The following MDH1B variants were observed in gnomAD, a reference collection of about 807,000 sequenced individuals.
The protein encoded by MDH1B is putative malate dehydrogenase 1B.
Under a neutral mutation model 61.4 loss-of-function variants are expected in MDH1B, and 60 were observed. The ratio of observed to expected loss-of-function variants is 0.98; its 90% CI spans 0.79 to 1.21. The LOEUF (loss-of-function observed/expected upper bound fraction) is 1.21, where lower values mean the gene tolerates loss of function less well. MDH1B is among the 50% of genes most tolerant of loss of function. MDH1B has a pLI of 0.00. For synonymous variants in MDH1B, 236 were observed against 218.7 expected (o/e 1.08, Z -0.70); for missense variants, 587 against 632.1 (o/e 0.93, Z 0.76).
Position 206,749,136 on chromosome 2 carries a change from G to A in MDH1B, c.1100C>T (p.Thr367Ile), listed in dbSNP as rs1476271000. The change falls in exon 7 of 12, where the codon ACC becomes ATC. Residue 367 changes from threonine to isoleucine, a missense_variant. Transcript: ENST00000374412. ...EFVAILKNLTTTGRQFGGILA... is the reference protein window; with the variant it reads ...EFVAILKNLTITGRQFGGILA... The stretch of plus-strand genomic sequence containing the variant: ...AATGCCTCCAAATTGTCTTCCTGTG[G>A]TGGTCAAGTTTTTAAGAATTGCCAC... 1.9e-6 allele frequency: 3 copies of A among 1,613,974 alleles called. No individual in the cohort carries two copies. The highest frequency in any genetic ancestry group is 1.7e-5 in the Admixed American group (1 of 59,992).
At chr2:206,758,920 TG>T (rs1029045455) in intron 2 of MDH1B, among the ~76,000 whole-genome samples, 12 of 151,268 alleles carry the variant, frequency 7.9e-5, no homozygotes, top group Non-Finnish European at 1.2e-4. Flanking sequence ...CTGGTGTCAC[TG>T]AGGAGCCCAG....
chr2:206,743,531 T>C (rs1687931869), intron 9 of MDH1B, among the ~76,000 whole-genome samples: 1 of 152,204 alleles, frequency 6.6e-6, no homozygotes, highest in Non-Finnish European at 1.5e-5. Flanking sequence ...TTCATTTCTA[T>C]TTATGAGGCA....
Position 206,754,363 on chromosome 2 carries a change from C to G in MDH1B, c.910+646G>C, listed in dbSNP as rs776100023. 1.8e-4 allele frequency among the ~76,000 whole-genome samples: 28 copies of G among 152,244 alleles called. No individual in the cohort carries two copies. The South Asian group carries it at 2.3e-3, about 12-fold the overall frequency. The stretch of plus-strand genomic sequence containing the variant: ...ATCTCCCTTTTCAAATACAACAATC[C>G]ATTTTCTGATCTAGTCTCATCTTCT... On this transcript the variant is annotated intron_variant, in intron 5 of 11. Transcript: ENST00000374412.
At chr2:206,751,423 T>C (rs1688434116) in intron 5 of MDH1B, among the ~76,000 whole-genome samples, 1 of 151,992 alleles carries the variant, frequency 6.6e-6, no homozygotes, top group Non-Finnish European at 1.5e-5. Flanking sequence ...AGAGAGTGAG[T>C]GAGAGGTCAA....
intron 9 of MDH1B, among the ~76,000 whole-genome samples, chr2:206,744,741 A>C (rs910678950): frequency 3.1e-4 from 47 of 151,964 alleles, no homozygotes; most frequent in African/African-American, 1.1e-3. Context: ...CCCGGCCAAC[A>C]TAGTGAAACC....
intron 9 of MDH1B, 152 bp from the exon 10 acceptor site, chr2:206,741,256 T>C: frequency 1.0e-6 from 1 of 957,116 alleles, no homozygotes; most frequent in Non-Finnish European, 1.6e-6. Flanking sequence ...AATGTGTACA[T>C]TTGTGTACAT....
chr2:206,749,028 A>C lies in MDH1B; in HGVS notation c.1208T>G (p.Leu403Trp). Residue 403 changes from leucine to tryptophan, a missense_variant, in exon 7 of 12, where the codon TTG (leucine) becomes TGG (tryptophan). Transcript: ENST00000374412. ...GAAAAACCCAGATTTACCTTCACTCAATATTCCTAAAGATACAATCTCCCC... is the reference window on the plus strand; with the variant it reads ...GAAAAACCCAGATTTACCTTCACTCCATATTCCTAAAGATACAATCTCCCC... ...PPGEIVSLGI[L>W]SEGQFGIPKG... is the part of the protein sequence containing the mutation. 6.2e-7 allele frequency: 1 copy of C among 1,613,220 alleles called. No homozygotes were observed. The highest frequency in any genetic ancestry group is 8.5e-7 in the Non-Finnish European group (1 of 1,179,654).
At chr2:206,748,729 A>ACATGCT (rs1313639048) in intron 7 of MDH1B, among the ~76,000 whole-genome samples, 1 of 152,232 alleles carries the variant, frequency 6.6e-6, no homozygotes, top group East Asian at 1.9e-4. Context: ...ATTGCTAGGA[A>ACATGCT]AACCTAACAA....
intron 5 of MDH1B, among the ~76,000 whole-genome samples, chr2:206,753,294 T>G (rs1309482652): frequency 6.6e-6 from 1 of 152,192 alleles, no homozygotes; most frequent in Non-Finnish European, 1.5e-5. Context: ...CTTCAATCAC[T>G]TTGTATTTTT....
chr2:206,761,464 G>T (rs1474533775), intron 1 of MDH1B, among the ~76,000 whole-genome samples: 3 of 152,104 alleles, frequency 2.0e-5, no homozygotes, highest in Non-Finnish European at 4.4e-5. Context: ...AAGAATCTGG[G>T]ATAACTTCTA....
intron 11 of MDH1B, 23 bp downstream of exon 11, chr2:206,739,569 GT>G: frequency 1.9e-6 from 3 of 1,599,912 alleles, no homozygotes; most frequent in Non-Finnish European, 2.6e-6. Flanking sequence ...GAAAATACTA[GT>G]TAATGTTTTG....
intron 9 of MDH1B, among the ~76,000 whole-genome samples, chr2:206,743,921 G>A (rs1687949220): frequency 6.6e-6 from 1 of 152,068 alleles, no homozygotes; most frequent in African/African-American, 2.4e-5. Flanking sequence ...ACTGCCTCTG[G>A]TCTTGGCTGT....
chr2:206,761,410 CTTTTGGATTTGATGTG>C (rs1281922163), intron 1 of MDH1B, among the ~76,000 whole-genome samples: 3 of 152,054 alleles, frequency 2.0e-5, no homozygotes, highest in Non-Finnish European at 4.4e-5. Flanking sequence ...GGTAAAGTCA[CTTTTGGATTTGATGTG>C]TGTCAGGAAG....
intron 1 of MDH1B, among the ~76,000 whole-genome samples, chr2:206,762,337 T>G (rs531157078): frequency 1.3e-5 from 2 of 152,340 alleles, no homozygotes; most frequent in African/African-American, 4.8e-5. Context: ...CCATCACATC[T>G]ACATGCCTGT....
intron 9 of MDH1B, chr2:206,741,390 GGT>G: frequency 2.4e-6 from 1 of 420,802 alleles, no homozygotes; most frequent in Non-Finnish European, 4.5e-6. Context: ...TGTCTGTGAG[GGT>G]GTTGCCAAAG....
Position 206,763,070 on chromosome 2 carries a change from C to T in MDH1B, c.23-2057G>A, listed in dbSNP as rs116049046. On this transcript the variant is annotated intron_variant, in intron 1 of 11. Coordinates refer to ENST00000374412, the MANE Select transcript of MDH1B (RefSeq NM_001039845.3). ...CTCCTTATCTAGATGCCTACACCCT[C>T]CTGTATTTTCCCATCTCCTTCAAAA... 8.5e-3 allele frequency among the ~76,000 whole-genome samples: 1,291 copies of T among 152,158 alleles called. 13 individuals are homozygous for T. The highest frequency in any genetic ancestry group is 0.014 in the Non-Finnish European group (982 of 68,012).
chr2:206,757,697 A>T (rs1259667222), intron 2 of MDH1B, among the ~76,000 whole-genome samples: 2 of 152,208 alleles, frequency 1.3e-5, no homozygotes, highest in African/African-American at 2.4e-5. Context: ...TTTTTAAAAA[A>T]ATTCAACTAG....
At chr2:206,761,036 T>G (rs747233077) in intron 1 of MDH1B, 23 bp from the exon 2 acceptor site, 44 of 1,299,628 alleles carry the variant, frequency 3.4e-5, no homozygotes, top group Non-Finnish European at 4.7e-5. Flanking sequence ...AAATTAGCAA[T>G]GTTTTCTTTC....
chr2:206,749,119 CA>C lies in MDH1B; in HGVS notation c.1116del (p.Phe372LeufsTer10). The stretch of plus-strand genomic sequence containing the variant: ...ATACTGTGTGCAGCCAAAATGCCTC[CA>C]AATTGTCTTCCTGTGGTGGTCAAGT... ...LKNLTTTGRQ[F>X]GGILAAHSIA... is the part of the protein sequence containing the mutation. On this transcript the variant is annotated frameshift_variant, in exon 7 of 12. Transcript: ENST00000374412. LOFTEE classifies it high-confidence loss of function. 1.9e-6 allele frequency: 3 copies of C among 1,614,110 alleles called. No homozygotes were observed. The highest frequency in any genetic ancestry group is 2.5e-6 in the Non-Finnish European group (3 of 1,179,984).
Sources: gnomAD v4.1 joint callset for allele counts (sites outside exome capture counted in the v4.1 genomes callset) on GRCh38, gnomAD v4.1.1 for gene constraint, MANE v1.5 for transcripts, NCBI Gene and HGNC (gene_info 2026-07-23, HGNC 2026-07-21) for gene names.